The following FXR1 variants were observed in gnomAD, a reference collection of about 807,000 sequenced individuals.
FXR1 encodes the protein RNA-binding protein FXR1.
A neutral mutation model predicts 84.0 loss-of-function variants in FXR1; 15 were observed. The ratio of observed to expected loss-of-function variants is 0.18; its 90% CI spans 0.12 to 0.27. FXR1 has a LOEUF of 0.27. Among genes scored for constraint, FXR1 ranks in the 10% least tolerant of loss-of-function variants. The pLI is 1.00. For missense variants in FXR1, 480 were observed against 774.4 expected (o/e 0.62, Z 4.51); for synonymous variants, 245 against 250.7 (o/e 0.98, Z 0.21).
In FXR1 at chr3:180,970,778, G is replaced by A. The variant is rs532119280; in HGVS notation, c.1603+420G>A. The A allele has an allele frequency of 1.7e-4, 27 of 155,706 alleles. 1 individual carries two copies. In the South Asian group the frequency reaches 4.5e-3, roughly 26 times the overall value. 9.6% of individuals were successfully genotyped at this position (155,706 alleles called of 1,614,324 possible). ...CAAGGGCTAAAATGTCATTAACTTC[G>A]GTATAAACCAAACTGTACTAGAGAG... is the stretch of plus-strand genomic sequence containing the variant. On this transcript the variant is annotated intron_variant, in intron 15 of 16. Coordinates refer to ENST00000357559, the MANE Select transcript of FXR1 (RefSeq NM_005087.4).
At chr3:180,924,708 TCTCAAACTCCTGAC>T (rs1718968069) in intron 1 of FXR1, among the ~76,000 whole-genome samples, 1 of 151,060 alleles carries the variant, frequency 6.6e-6, no homozygotes, top group African/African-American at 2.4e-5. Flanking sequence ...GCCAGGTTGG[TCTCAAACTCCTGAC>T]CTCAGGTGAT....
intron 13 of FXR1, 151 bp from the exon 14 acceptor site, chr3:180,967,900 G>C (rs1233337672): frequency 5.0e-6 from 3 of 601,202 alleles, no homozygotes; most frequent in Non-Finnish European, 9.0e-6. Flanking sequence ...TCCTTAGTAC[G>C]TTTCAGATTG....
chr3:180,942,048 C>G (rs1018070176), intron 3 of FXR1, among the ~76,000 whole-genome samples: 4 of 152,034 alleles, frequency 2.6e-5, no homozygotes, highest in Non-Finnish European at 5.9e-5. Context: ...TAAAAATTCT[C>G]TGTCTTTGAT....
chr3:180,951,495 C>T, intron 8 of FXR1, 27 bp downstream of exon 8: 5 of 1,523,062 alleles, frequency 3.3e-6, no homozygotes, highest in South Asian at 1.2e-5. Context: ...CTGCCTTGGC[C>T]TTTAGTGTAT....
chr3:180,917,604 G>C (rs1442334851), intron 1 of FXR1, among the ~76,000 whole-genome samples: 1 of 152,082 alleles, frequency 6.6e-6, no homozygotes, highest in Non-Finnish European at 1.5e-5. Context: ...GGAGGGGAAG[G>C]AAGGCTGGGA....
At chr3:180,962,842 TTA>T in intron 11 of FXR1, 39 bp from the exon 12 acceptor site, 1 of 1,383,612 alleles carries the variant, frequency 7.2e-7, no homozygotes, top group South Asian at 1.2e-5. Context: ...AAACAAAAAG[TTA>T]TATATAAGAA....
In FXR1 at chr3:180,935,152, G is replaced by A. The variant is rs1184820013; in HGVS notation, c.119G>A (p.Arg40His). ...VVFENNWQPE[R>H]QVPFNEVRLP... Reference sequence around the variant, plus strand: ...TAATCCTTCAGTTGGCAACCAGAACGCCAGGTTCCATTTAATGAAGTTAGA... The same window carrying A: ...TAATCCTTCAGTTGGCAACCAGAACACCAGGTTCCATTTAATGAAGTTAGA... The change falls in exon 3 of 17, where the codon CGC becomes CAC. Residue 40 changes from arginine (R) to histidine (H), a missense_variant. Arg to His is a conservative substitution (Grantham distance 29, BLOSUM62 0). Coordinates refer to ENST00000357559, the MANE Select transcript of FXR1 (RefSeq NM_005087.4). The A allele has an allele frequency of 1.9e-6, 3 of 1,570,310 alleles. No individual in the cohort carries two copies. The highest frequency in any genetic ancestry group is 1.4e-5 in the African/African-American group (1 of 73,996).
At chr3:180,970,395 T>C (rs528368716) in intron 15 of FXR1, 37 bp downstream of exon 15, 2 of 272,548 alleles carry the variant, frequency 7.3e-6, no homozygotes, top group Non-Finnish European at 1.3e-5. Context: ...TATATATATA[T>C]ATATATATAT....
intron 10 of FXR1, among the ~76,000 whole-genome samples, chr3:180,960,738 T>C (rs896517755): frequency 6.6e-6 from 1 of 152,054 alleles, no homozygotes; most frequent in Non-Finnish European, 1.5e-5. Context: ...GTGCTAGGAT[T>C]ACAGGTGTGA....
At chr3:180,965,348 C>A (rs143884261) in intron 13 of FXR1, among the ~76,000 whole-genome samples, 7 of 152,230 alleles carry the variant, frequency 4.6e-5, no homozygotes, top group Non-Finnish European at 8.8e-5. Context: ...TTTAAAAAAA[C>A]GACTTTGAAT....
At chr3:180,927,666 T>TA (rs745333576) in intron 1 of FXR1, 342 of 521,130 alleles carry the variant, frequency 6.6e-4, no homozygotes, top group South Asian at 2.0e-3. Context: ...AGCACCCGTC[T>TA]AAAAAAAAAT....
chr3:180,943,403 C>T (rs968995486), intron 3 of FXR1, among the ~76,000 whole-genome samples: 3 of 149,452 alleles, frequency 2.0e-5, no homozygotes, highest in Non-Finnish European at 3.0e-5. Context: ...GCTGGGATTA[C>T]GGGCGCCCGC....
chr3:180,964,132 A>C (rs1016135362), intron 13 of FXR1, among the ~76,000 whole-genome samples: 2 of 152,060 alleles, frequency 1.3e-5, no homozygotes, highest in African/African-American at 4.8e-5. Flanking sequence ...TCATTTTCTT[A>C]TATATGTTTT....
Position 180,979,097 on chromosome 3 carries a change from C to T in FXR1, c.*2805C>T, listed in dbSNP as rs1376369842. 3 of 152,096 alleles carry T rather than the reference C, an allele frequency of 2.0e-5. No individual in the cohort carries two copies. The highest frequency in any genetic ancestry group is 4.4e-5 in the Non-Finnish European group (3 of 67,980). 9.4% of individuals were successfully genotyped at this position (152,096 alleles called of 1,614,324 possible). On this transcript the variant is annotated 3_prime_UTR_variant, in exon 17 of 17. Coordinates refer to ENST00000357559, the MANE Select transcript of FXR1 (RefSeq NM_005087.4). ...GATGCTGGGTTCCATTGCTGTTGTGCTAAGTCACGTATTTTTGTAGCTGCT... is the reference window on the plus strand; with the variant it reads ...GATGCTGGGTTCCATTGCTGTTGTGTTAAGTCACGTATTTTTGTAGCTGCT...
rs375023780 is a variant in FXR1 at position 180,952,292 on chromosome 3, A to G, written c.801+824A>G. Among the ~76,000 whole-genome samples, 7 of 152,182 alleles carry G rather than the reference A, an allele frequency of 4.6e-5. No homozygotes were observed. The East Asian group carries it at 7.7e-4, about 17-fold the overall frequency. ...TTTTGAATGACAATTTTGTGTCTTG[A>G]CTTTTCATACATAGCTCTTATGAAC... On this transcript the variant is annotated intron_variant, in intron 8 of 16. Transcript: ENST00000357559.
intron 1 of FXR1, chr3:180,915,047 T>G (rs1717716514): frequency 2.4e-6 from 1 of 408,586 alleles, no homozygotes; most frequent in Non-Finnish European, 3.3e-6. Flanking sequence ...AACAAATCTC[T>G]CTGTCTAACA....
intron 3 of FXR1, among the ~76,000 whole-genome samples, chr3:180,944,546 C>T (rs1188704725): frequency 6.6e-6 from 1 of 152,054 alleles, no homozygotes; most frequent in East Asian, 1.9e-4. Context: ...AGGTTGGTCT[C>T]AAACTCCTGG....
At chr3:180,926,550 C>T (rs937532911) in intron 1 of FXR1, among the ~76,000 whole-genome samples, 4 of 137,396 alleles carry the variant, frequency 2.9e-5, no homozygotes, top group Non-Finnish European at 4.6e-5. Flanking sequence ...AGAAAAAAGG[C>T]AGTTTGTTTT....
intron 10 of FXR1, among the ~76,000 whole-genome samples, chr3:180,959,563 A>G (rs1711821264): frequency 6.6e-6 from 1 of 152,128 alleles, no homozygotes; most frequent in South Asian, 2.1e-4. Context: ...TTAAATGAGT[A>G]TTAAATCAAA....
Sources: gnomAD v4.1 joint callset for allele counts (sites outside exome capture counted in the v4.1 genomes callset) on GRCh38, gnomAD v4.1.1 for gene constraint, MANE v1.5 for transcripts, NCBI Gene and HGNC (gene_info 2026-07-23, HGNC 2026-07-21) for gene names.